The following PCDHGB1 variants were observed in gnomAD, a reference collection of about 807,000 sequenced individuals.
The protein encoded by PCDHGB1 is protocadherin gamma-B1.
In PCDHGB1, 34 loss-of-function variants were observed where a neutral mutation model predicts 56.6. That is an observed-to-expected ratio of 0.60 (90% CI 0.46 to 0.80). PCDHGB1 has a LOEUF of 0.80. Ranked by LOEUF, PCDHGB1 falls within the 30% of genes least tolerant of loss-of-function variation. PCDHGB1 has a pLI of 0.00. For synonymous variants in PCDHGB1, 561 were observed against 505.9 expected (o/e 1.11, Z -1.46); for missense variants, 1,278 against 1,204.6 (o/e 1.06, Z -0.90).
rs200491568 is a variant in PCDHGB1, at chr5:141,493,146, G to A, written c.2410-1661G>A. 9.6e-6 allele frequency among the ~76,000 whole-genome samples: 1 copy of A among 104,172 alleles called. No homozygotes were observed. The highest frequency in any genetic ancestry group is 3.1e-5 in the African/African-American group (1 of 32,680). 68.3% of individuals were successfully genotyped at this position (104,172 alleles called of 152,430 possible). A position where few individuals can be genotyped will look rare whatever the true frequency, so the allele number is the denominator to read the frequency against. On this transcript the variant is annotated intron_variant, in intron 1 of 3. Transcript: ENST00000523390. The surrounding 1 kb of genome is among the most constrained non-coding windows in gnomAD (Gnocchi z 4.3). ...AGGACTGTATTTTGAAACACCCCCA[G>A]GTGATTTTGATAGCTGATTGAGAGA... is the stretch of plus-strand genomic sequence containing the variant.
chr5:141,483,099 C>T (rs10068400), intron 1 of PCDHGB1, among the ~76,000 whole-genome samples: 3,098 of 152,014 alleles, frequency 0.02, 87 homozygotes, highest in African/African-American at 0.065. Flanking sequence ...AAAAAGTGTG[C>T]GTGTAAAACA....
At chr5:141,421,164 A>C (rs1304650780) in intron 1 of PCDHGB1, 9 of 1,286,298 alleles carry the variant, frequency 7.0e-6, no homozygotes, top group Non-Finnish European at 9.4e-6. Context: ...GACTTCATAG[A>C]TACATAAGCC....
chr5:141,421,912 A>G (rs1207036091), intron 1 of PCDHGB1: 2 of 1,613,696 alleles, frequency 1.2e-6, no homozygotes, highest in Admixed American at 1.7e-5. Context: ...CGCAGTTCCC[A>G]TTCGTGTGGT....
At chr5:141,358,867 G>A (rs1761039992) in intron 1 of PCDHGB1, among the ~76,000 whole-genome samples, 1 of 152,176 alleles carries the variant, frequency 6.6e-6, no homozygotes, top group Admixed American at 6.5e-5. Context: ...AGATATTTCT[G>A]TCATCATGTG....
intron 1 of PCDHGB1, among the ~76,000 whole-genome samples, chr5:141,465,276 C>A (rs558169180): frequency 6.6e-6 from 1 of 152,254 alleles, no homozygotes; most frequent in South Asian, 2.1e-4. Context: ...CCATTTAGTT[C>A]ACCCCTAAAG....
Position 141,388,997 on chromosome 5 carries a change from C to G in PCDHGB1, c.2409+36328C>G. On this transcript the variant is annotated intron_variant, in intron 1 of 3. Transcript: ENST00000523390. ...ATATTGCTTTGCTCAAAGTCCGTGA[C>G]AAGGATTCCAGACACAATGGAGAAG... The G allele has an allele frequency of 1.9e-6, 3 of 1,613,968 alleles. No individual in the cohort carries two copies. The highest frequency in any genetic ancestry group is 2.5e-6 in the Non-Finnish European group (3 of 1,179,880).
intron 1 of PCDHGB1, among the ~76,000 whole-genome samples, chr5:141,456,780 T>A (rs1392367637): frequency 1.3e-5 from 2 of 152,000 alleles, no homozygotes; most frequent in Non-Finnish European, 2.9e-5. Flanking sequence ...CTGGCCTACA[T>A]GGCAAAACCC....
At chr5:141,448,822 G>A (rs924937891) in intron 1 of PCDHGB1, among the ~76,000 whole-genome samples, 4 of 152,048 alleles carry the variant, frequency 2.6e-5, no homozygotes, top group African/African-American at 9.7e-5. Context: ...GCGGGCGCCT[G>A]TAGTCCCAGC....
In PCDHGB1 at chr5:141,493,468, T is replaced by C. The variant is rs960204561; in HGVS notation, c.2410-1339T>C. On this transcript the variant is annotated intron_variant, in intron 1 of 3. Transcript: ENST00000523390. The surrounding 1 kb of genome is among the most constrained non-coding windows in gnomAD (Gnocchi z 4.3). ...TGGGGTTCCTTCCCTTTTAGGACCT[T>C]ACATGTGGGGAAAGTCTTCTGTGGC... Among the ~76,000 whole-genome samples the C allele has an allele frequency of 4.6e-5, 7 of 152,144 alleles. No individual in the cohort carries two copies. Among genetic ancestry groups the C allele is most frequent in the African/African-American group, 1.4e-4 (6 of 41,426 alleles).
At chr5:141,379,462 A>G (rs1775613818) in intron 1 of PCDHGB1, 1 of 152,244 alleles carries the variant, frequency 6.6e-6, no homozygotes, top group African/African-American at 2.4e-5. Context: ...ATAAACTCTG[A>G]AAGTGTGAAT....
rs1160254496 is a variant in PCDHGB1, at chr5:141,361,417, G to A, written c.2409+8748G>A. The A allele has an allele frequency of 1.9e-6, 3 of 1,613,898 alleles. No individual in the cohort carries two copies. The highest frequency in any genetic ancestry group is 2.7e-5 in the African/African-American group (2 of 74,936). On this transcript the variant is annotated intron_variant, in intron 1 of 3. Coordinates refer to ENST00000523390, the MANE Select transcript of PCDHGB1 (RefSeq NM_018922.3). ...TCTCACCATCACAGCCACCGACGGG[G>A]GCAAGCCGCCCCTCTCCTCCAGCAT...
intron 1 of PCDHGB1, chr5:141,427,307 T>C (rs745903769): frequency 4.4e-6 from 2 of 456,906 alleles, no homozygotes; most frequent in South Asian, 1.5e-5. Flanking sequence ...AGAATGACAA[T>C]GCCCCAGACG....
intron 1 of PCDHGB1, chr5:141,355,815 G>A (rs377468694): frequency 5.0e-6 from 8 of 1,613,094 alleles, no homozygotes; most frequent in South Asian, 2.2e-5. Context: ...GCGAGGAAGA[G>A]GCGGTTCACC....
chr5:141,355,722 A>T, intron 1 of PCDHGB1: 1 of 1,614,040 alleles, frequency 6.2e-7, no homozygotes, highest in Non-Finnish European at 8.5e-7. Context: ...AGCTCAACTC[A>T]AACGGTTACT....
chr5:141,359,937 C>T, intron 1 of PCDHGB1: 1 of 475,954 alleles, frequency 2.1e-6, no homozygotes, highest in Non-Finnish European at 3.5e-6. Context: ...CTCTGAGCGT[C>T]GCTGTTGGTC....
chr5:141,393,571 A>G, intron 1 of PCDHGB1: 4 of 1,613,974 alleles, frequency 2.5e-6, no homozygotes, highest in Non-Finnish European at 3.4e-6. Flanking sequence ...AAAGTCCTTG[A>G]GAACATGCCC....
chr5:141,508,269 C>G (rs1459186158), intron 3 of PCDHGB1: 1 of 152,186 alleles, frequency 6.6e-6, no homozygotes, highest in Non-Finnish European at 1.5e-5. Flanking sequence ...GAGAAAATCC[C>G]GGTCCTTGAC....
intron 1 of PCDHGB1, chr5:141,362,309 A>C: frequency 1.2e-6 from 2 of 1,613,904 alleles, no homozygotes; most frequent in Non-Finnish European, 1.7e-6. Context: ...GATGCTTGGG[A>C]CTGTTTTCAG....
Position 141,431,352 on chromosome 5 carries a change from G to C in PCDHGB1, c.2410-63455G>C. Reference sequence around the variant, plus strand: ...AAGTACCCCGAATTGGTGCTGAAACGCGCCCTGGACCGCGAAGAAAAGGCT... The same window carrying C: ...AAGTACCCCGAATTGGTGCTGAAACCCGCCCTGGACCGCGAAGAAAAGGCT... On this transcript the variant is annotated intron_variant, in intron 1 of 3. Coordinates refer to ENST00000523390, the MANE Select transcript of PCDHGB1 (RefSeq NM_018922.3). This position sits in a 1 kb window ranked among gnomAD's most constrained non-coding sequence, Gnocchi z 4.8. The C allele has an allele frequency of 6.2e-7, 1 of 1,614,044 alleles. No individual in the cohort carries two copies. The highest frequency in any genetic ancestry group is 8.5e-7 in the Non-Finnish European group (1 of 1,180,032).
Sources: gnomAD v4.1 joint callset for allele counts (sites outside exome capture counted in the v4.1 genomes callset) on GRCh38, gnomAD v4.1.1 for gene constraint, Gnocchi (gnomAD v3.1) non-coding constraint, MANE v1.5 for transcripts, NCBI Gene and HGNC (gene_info 2026-07-23, HGNC 2026-07-21) for gene names.